MED12L: variants seen among roughly 807,000 people sequenced by gnomAD.
MED12L encodes the protein mediator of RNA polymerase II transcription subunit 12-like protein.
A neutral mutation model predicts 281.3 loss-of-function variants in MED12L; 60 were observed. The observed-to-expected ratio is 0.21, with a 90% CI of 0.17 to 0.26. The LOEUF is 0.26. Ranked by LOEUF, MED12L falls within the 10% of genes least tolerant of loss-of-function variation. The probability of loss-of-function intolerance (pLI) is 1.00; values close to 1 mark genes in which losing one functional copy is unlikely to be tolerated. For missense variants in MED12L, 2,146 were observed against 2,680.9 expected (o/e 0.80, Z 4.41); for synonymous variants, 974 against 987.2 (o/e 0.99, Z 0.25).
At chr3:151,193,860 A>G (rs148039717) in intron 16 of MED12L, 194 bp downstream of exon 16, 2 of 452,588 alleles carry the variant, frequency 4.4e-6, no homozygotes, top group African/African-American at 2.0e-5. Flanking sequence ...TAGTGATATT[A>G]GTGGCTAATT....
At chr3:151,102,037 T>C (rs979467949) in intron 2 of MED12L, among the ~76,000 whole-genome samples, 2 of 152,172 alleles carry the variant, frequency 1.3e-5, no homozygotes, top group African/African-American at 4.8e-5. Context: ...CAGTCTTCAG[T>C]GATGGGACAG....
chr3:151,365,258 G>C (rs1327808586), intron 22 of MED12L, 52 bp downstream of exon 22: 2 of 1,464,770 alleles, frequency 1.4e-6, no homozygotes, highest in African/African-American at 2.8e-5. Context: ...TGTTGCCTTG[G>C]TGCTTCTTTG....
chr3:151,149,419 C>G (rs1411866173), intron 5 of MED12L, among the ~76,000 whole-genome samples: 1 of 152,138 alleles, frequency 6.6e-6, no homozygotes, highest in Non-Finnish European at 1.5e-5. Context: ...TGTGCAATAG[C>G]ATATGTCAAA....
At chr3:151,215,979 T>C (rs1025927591) in intron 16 of MED12L, among the ~76,000 whole-genome samples, 4 of 152,182 alleles carry the variant, frequency 2.6e-5, no homozygotes, top group African/African-American at 9.7e-5. Context: ...GGCCTCAGCT[T>C]AGCTGTCACT....
intron 16 of MED12L, among the ~76,000 whole-genome samples, chr3:151,287,900 A>G (rs1743746538): frequency 6.6e-6 from 1 of 151,568 alleles, no homozygotes; most frequent in South Asian, 2.1e-4. Flanking sequence ...AATAAACTTT[A>G]TAGAAATCAT....
chr3:151,372,501 T>A, intron 26 of MED12L, 66 bp from the exon 27 acceptor site: 1 of 1,150,750 alleles, frequency 8.7e-7, no homozygotes, highest in Non-Finnish European at 1.3e-6. Flanking sequence ...TATCCTCATT[T>A]GCTCCTCAAT....
At chr3:151,159,108 ATC>A (rs1388583410) in intron 7 of MED12L, among the ~76,000 whole-genome samples, 13 of 144,932 alleles carry the variant, frequency 9.0e-5, no homozygotes, top group Admixed American at 8.2e-4. Flanking sequence ...AATAACACAA[ATC>A]TCTGTGAAAA....
intron 12 of MED12L, 103 bp downstream of exon 12, chr3:151,185,564 T>C (rs555878575): frequency 7.7e-7 from 1 of 1,296,862 alleles, no homozygotes; most frequent in East Asian, 2.6e-5. Context: ...CTTTTGCTCT[T>C]GAGGAAAAAA....
chr3:151,181,438 A>G (rs1006368080), intron 11 of MED12L, among the ~76,000 whole-genome samples: 1 of 151,452 alleles, frequency 6.6e-6, no homozygotes, highest in African/African-American at 2.4e-5. Context: ...TTTTTAAGAC[A>G]CAGGGTCTGG....
chr3:151,389,713 T>G (rs1363740025), intron 37 of MED12L, among the ~76,000 whole-genome samples: 2 of 152,208 alleles, frequency 1.3e-5, no homozygotes, highest in African/African-American at 2.4e-5. Flanking sequence ...GACACACTTG[T>G]AGTCTTTTGA....
intron 16 of MED12L, chr3:151,340,772 TAGA>T (rs1751707352): frequency 1.3e-5 from 2 of 152,676 alleles, no homozygotes; most frequent in Admixed American, 6.5e-5. Flanking sequence ...TAGAGAGAAA[TAGA>T]AGGAGAGAAA....
chr3:151,157,293 G>T (rs1719415523), intron 6 of MED12L, among the ~76,000 whole-genome samples: 1 of 151,742 alleles, frequency 6.6e-6, no homozygotes, highest in Non-Finnish European at 1.5e-5. Flanking sequence ...AATCGAAATA[G>T]TAATGTTAAA....
intron 32 of MED12L, among the ~76,000 whole-genome samples, chr3:151,382,219 A>T (rs577483651): frequency 1.3e-5 from 2 of 152,346 alleles, no homozygotes; most frequent in African/African-American, 4.8e-5. Flanking sequence ...ATAAGATAGC[A>T]GACCTTCTCT....
At chr3:151,104,029 T>C (rs1187913110) in intron 2 of MED12L, among the ~76,000 whole-genome samples, 1 of 152,220 alleles carries the variant, frequency 6.6e-6, no homozygotes, top group East Asian at 1.9e-4. Flanking sequence ...TTTTGCCTGC[T>C]CTAGGTACGG....
At position 151,417,288 on chromosome 3, in the gene MED12L, T is replaced by C. The variant is rs1343190556; in HGVS notation, c.6408+866T>C. On this transcript the variant is annotated intron_variant, in intron 43 of 44. Transcript: ENST00000687756. ...AGCACAGGATTTTTAAACTAGCTGGTTTCACAACTTGTAGAAAAGGGGGAA... is the reference window on the plus strand; with the variant it reads ...AGCACAGGATTTTTAAACTAGCTGGCTTCACAACTTGTAGAAAAGGGGGAA... Among the ~76,000 whole-genome samples the C allele has an allele frequency of 1.3e-5, 2 of 152,206 alleles. 1 individual carries two copies. Among genetic ancestry groups the C allele is most frequent in the African/African-American group, 4.8e-5 (2 of 41,502 alleles).
At chr3:151,088,465 A>G (rs920744060) in intron 2 of MED12L, among the ~76,000 whole-genome samples, 9 of 152,214 alleles carry the variant, frequency 5.9e-5, no homozygotes, top group Admixed American at 3.3e-4. Flanking sequence ...GGAAATTCTT[A>G]AAGTTTTGAT....
At chr3:151,275,700 G>T (rs143240799) in intron 16 of MED12L, among the ~76,000 whole-genome samples, 1 of 152,118 alleles carries the variant, frequency 6.6e-6, no homozygotes, top group Non-Finnish European at 1.5e-5. Flanking sequence ...AAAATTCCCT[G>T]TAAAGAAGAA....
chr3:151,348,491 T>C (rs1171718429), intron 16 of MED12L, among the ~76,000 whole-genome samples: 1 of 152,014 alleles, frequency 6.6e-6, no homozygotes, highest in African/African-American at 2.4e-5. Flanking sequence ...ATCCTATGAT[T>C]AGGAATATCT....
chr3:151,115,693 A>T (rs1422916906), intron 2 of MED12L, among the ~76,000 whole-genome samples: 1 of 151,834 alleles, frequency 6.6e-6, no homozygotes, highest in Non-Finnish European at 1.5e-5. Flanking sequence ...TTTCGGTGAG[A>T]TTTTTGCTCA....
Sources: gnomAD v4.1 joint callset for allele counts (sites outside exome capture counted in the v4.1 genomes callset) on GRCh38, gnomAD v4.1.1 for gene constraint, MANE v1.5 for transcripts, NCBI Gene and HGNC (gene_info 2026-07-23, HGNC 2026-07-21) for gene names.